NR2C2AP: variants seen among roughly 807,000 people sequenced by gnomAD.
The protein encoded by NR2C2AP is nuclear receptor 2C2-associated protein.
A neutral mutation model predicts 19.1 loss-of-function variants in NR2C2AP; 13 were observed. That is an observed-to-expected ratio of 0.68 (90% CI 0.44 to 1.08). NR2C2AP has a LOEUF of 1.08. Among genes scored for constraint, NR2C2AP ranks in the 50% least tolerant of loss-of-function variants. The pLI, the probability that NR2C2AP is intolerant of heterozygous loss-of-function variation, is 0.00. For synonymous variants in NR2C2AP, 81 were observed against 64.4 expected (o/e 1.26, Z -1.23); for missense variants, 181 against 172.7 (o/e 1.05, Z -0.27).
rs775767472 is a variant in NR2C2AP at position 19,201,609 on chromosome 19, A to AT, written c.*315dup. The AT allele has an allele frequency of 6.2e-7, 1 of 1,613,604 alleles. No individual in the cohort carries two copies. Among genetic ancestry groups the AT allele is most frequent in the African/African-American group, 1.3e-5 (1 of 75,048 alleles). ...GGCCTGTGCCTCCACCCCACTCCCG[A>AT]TTCAAGCTCACAGCCCACCTTTTCC... is the stretch of plus-strand genomic sequence containing the variant. On this transcript the variant is annotated 3_prime_UTR_variant, in exon 5 of 5. Coordinates refer to ENST00000331552, the MANE Select transcript of NR2C2AP (RefSeq NM_176880.6).
chr19:19,201,982 A>T lies in NR2C2AP; in HGVS notation c.363T>A (p.Thr121=), dbSNP rs371480701. 4 of 1,614,118 alleles carry T rather than the reference A, an allele frequency of 2.5e-6. No homozygotes were observed. Among genetic ancestry groups the T allele is most frequent in the African/African-American group, 1.3e-5 (1 of 74,938 alleles). ...DRLKVTFEDA[T]DFFGRVVIYH... ...AGATGACCACACGGCCAAAAAAGTCAGTGGCATCCTCAAACGTCACCTTCA... is the reference window on the plus strand; with the variant it reads ...AGATGACCACACGGCCAAAAAAGTCTGTGGCATCCTCAAACGTCACCTTCA... Residue 121 remains threonine (T), a synonymous_variant, in exon 5 of 5, where the codon ACT becomes ACA. Coordinates refer to ENST00000331552, the MANE Select transcript of NR2C2AP (RefSeq NM_176880.6).
intron 1 of NR2C2AP, 46 bp downstream of exon 1, chr19:19,202,977 C>T (rs746889310): frequency 6.8e-6 from 11 of 1,613,164 alleles, no homozygotes; most frequent in Non-Finnish European, 9.3e-6. Context: ...GAGGGCTCGA[C>T]CCCAGGCTTA....
At chr19:19,202,724 C>T (rs771995240) in intron 2 of NR2C2AP, 67 bp downstream of exon 2, 8 of 1,496,914 alleles carry the variant, frequency 5.3e-6, no homozygotes, top group Non-Finnish European at 7.4e-6. Context: ...GGCCCCCTGA[C>T]GTTCTCAAGG....
chr19:19,201,518 G>A lies in NR2C2AP; in HGVS notation c.*407C>T, dbSNP rs1250684114. On this transcript the variant is annotated 3_prime_UTR_variant, in exon 5 of 5. Coordinates refer to ENST00000331552, the MANE Select transcript of NR2C2AP (RefSeq NM_176880.6). ...CTGGGGTGAGTCCTCGGTTCTCCCA[G>A]CTTTGCTCTGTAATGCAGGTCTCTG... 3 of 1,601,242 alleles carry A rather than the reference G, an allele frequency of 1.9e-6. No individual in the cohort carries two copies. The highest frequency in any genetic ancestry group is 2.5e-6 in the Non-Finnish European group (3 of 1,179,648).
chr19:19,202,352 A>G lies in NR2C2AP; in HGVS notation c.282T>C (p.Pro94=). The G allele has an allele frequency of 6.2e-7, 1 of 1,614,218 alleles. No homozygotes were observed. Residue 94 remains proline (P), a synonymous_variant, in exon 4 of 5, where the codon CCT becomes CCC. Transcript: ENST00000331552. ...ATATCTGAAGCGAGTTGTTGTCCTC[A>G]GGGTAGAAATCTACAATCTTGTGGA... The part of the protein sequence containing the change: ...QALHKIVDFY[P]EDNNSLQTFP...
rs765762845 is a variant in NR2C2AP, at chr19:19,202,503, C to A, written c.202G>T (p.Gly68Cys). The A allele has an allele frequency of 1.9e-6, 3 of 1,613,936 alleles. No homozygotes were observed. Among genetic ancestry groups the A allele is most frequent in the Non-Finnish European group, 1.7e-6 (2 of 1,180,030 alleles). Residue 68 changes from glycine (G) to cysteine (C), a missense_variant, in exon 3 of 5, where the codon GGT (glycine) becomes TGT (cysteine). Physicochemically the swap from Gly to Cys is radical, Grantham distance 159. Transcript: ENST00000331552. ...CAGCCCCGGCGACTGGAGAAGCCAC[C>A]CTGAAACTGGATCTGCAGCTGGGAG... ...RVSQLQIQFQ[G>C]GFSSRRGCLE... is the part of the protein sequence containing the mutation.
intron 4 of NR2C2AP, 66 bp from the exon 5 acceptor site, chr19:19,202,107 C>T: frequency 6.5e-7 from 1 of 1,545,582 alleles, no homozygotes. Flanking sequence ...CCCACCCCTT[C>T]CAGACCCAGC....
Position 19,202,854 on chromosome 19 carries a change from A to G in NR2C2AP, c.66T>C (p.Thr22=). Reference sequence around the variant, plus strand: ...AAAGATGTTTTTTTCCAAACTGCCGAGTGTTGCGATTCAGCACTGAACTCA... The same window carrying G: ...AAAGATGTTTTTTTCCAAACTGCCGGGTGTTGCGATTCAGCACTGAACTCA... ...SRVSSVLNRN[T]RQFGKKHLFD... is the part of the protein sequence containing the mutation. The change falls in exon 2 of 5, where the codon ACT becomes ACC. Residue 22 remains threonine (T), a synonymous_variant. Transcript: ENST00000331552. 6.2e-7 allele frequency: 1 copy of G among 1,613,776 alleles called. No homozygotes were observed. The highest frequency in any genetic ancestry group is 2.2e-5 in the East Asian group (1 of 44,872).
Position 19,202,560 on chromosome 19 carries a change from C to T in NR2C2AP, c.145G>A (p.Val49Met). ...WNSDQGPSQW[V>M]TLEFPQLIRV... ...ATGAGCTGGGGAAACTCCAGCGTCA[C>T]CCACTGGGAGGGGCCCTGGAAGCAG... is the stretch of plus-strand genomic sequence containing the variant. The change falls in exon 3 of 5, where the codon GTG becomes ATG. Residue 49 changes from valine (V) to methionine (M), a missense_variant. Coordinates refer to ENST00000331552, the MANE Select transcript of NR2C2AP (RefSeq NM_176880.6). 9 of 1,613,086 alleles carry T rather than the reference C, an allele frequency of 5.6e-6. No homozygotes were observed. The highest frequency in any genetic ancestry group is 7.6e-6 in the Non-Finnish European group (9 of 1,179,896).
In NR2C2AP at chr19:19,201,737, C is replaced by G; in HGVS notation, c.*188G>C. On this transcript the variant is annotated 3_prime_UTR_variant, in exon 5 of 5. Coordinates refer to ENST00000331552, the MANE Select transcript of NR2C2AP (RefSeq NM_176880.6). ...CTGAGTGAAGGCCGCCTGCCGGGGA[C>G]TCAGACACTCAGGGAACAAAATGGT... is the stretch of plus-strand genomic sequence containing the variant. 6.2e-7 allele frequency: 1 copy of G among 1,613,786 alleles called. No homozygotes were observed. The highest frequency in any genetic ancestry group is 8.5e-7 in the Non-Finnish European group (1 of 1,179,944).
intron 2 of NR2C2AP, 37 bp downstream of exon 2, chr19:19,202,754 T>C (rs1252537535): frequency 6.4e-7 from 1 of 1,570,966 alleles, no homozygotes; most frequent in Non-Finnish European, 8.8e-7. Flanking sequence ...TGAATCTGAA[T>C]CACCCTAGAG....
chr19:19,203,290 A>C lies in NR2C2AP; in HGVS notation c.-230T>G. On this transcript the variant is annotated 5_prime_UTR_variant, in exon 1 of 5. Coordinates refer to ENST00000331552, the MANE Select transcript of NR2C2AP (RefSeq NM_176880.6). Reference sequence around the variant, plus strand: ...GGAGAGAGGATCAGGGAAACCGCCAATGCCCGGAGGCCAGGCCTTTCACAG... The same window carrying C: ...GGAGAGAGGATCAGGGAAACCGCCACTGCCCGGAGGCCAGGCCTTTCACAG... 1.7e-6 allele frequency: 1 copy of C among 596,226 alleles called. No individual in the cohort carries two copies. Among genetic ancestry groups the C allele is most frequent in the Non-Finnish European group, 3.0e-6 (1 of 332,442 alleles). 36.9% of individuals were successfully genotyped at this position (596,226 alleles called of 1,614,324 possible).
Position 19,201,874 on chromosome 19 carries a change from C to G in NR2C2AP, c.*51G>C. ...TAAACCTTCTGTGCAGAATGAGGGACTTTGCTGTGCTTCCCGGAGGGCTTC... is the reference window on the plus strand; with the variant it reads ...TAAACCTTCTGTGCAGAATGAGGGAGTTTGCTGTGCTTCCCGGAGGGCTTC... On this transcript the variant is annotated 3_prime_UTR_variant, in exon 5 of 5. Coordinates refer to ENST00000331552, the MANE Select transcript of NR2C2AP (RefSeq NM_176880.6). 1 of 1,613,248 alleles carries G rather than the reference C, an allele frequency of 6.2e-7. No homozygotes were observed. The highest frequency in any genetic ancestry group is 8.5e-7 in the Non-Finnish European group (1 of 1,179,512).
rs772655469 is a variant in NR2C2AP, at chr19:19,202,995, G to A, written c.38+28C>T. 2 of 1,613,856 alleles carry A rather than the reference G, an allele frequency of 1.2e-6. No homozygotes were observed. Among genetic ancestry groups the A allele is most frequent in the Non-Finnish European group, 1.7e-6 (2 of 1,179,780 alleles). On this transcript the variant is annotated intron_variant, in intron 1 of 4. Coordinates refer to ENST00000331552, the MANE Select transcript of NR2C2AP (RefSeq NM_176880.6). ...GGCTCGACCCCAGGCTTAGGGCCTCGCCACTGCCTGTCCCCACAGACTCTT... is the reference window on the plus strand; with the variant it reads ...GGCTCGACCCCAGGCTTAGGGCCTCACCACTGCCTGTCCCCACAGACTCTT...
intron 1 of NR2C2AP, 21 bp downstream of exon 1, chr19:19,203,002 C>T (rs371297311): frequency 4.5e-5 from 73 of 1,614,016 alleles, no homozygotes; most frequent in Middle Eastern, 1.6e-4. Flanking sequence ...CTCGCCACTG[C>T]CTGTCCCCAC....
In NR2C2AP at chr19:19,201,450, C is replaced by G. The variant is rs1320702282; in HGVS notation, c.*475G>C. On this transcript the variant is annotated 3_prime_UTR_variant, in exon 5 of 5. Transcript: ENST00000331552. ...ATATTTTTATATTAATTCTGAAAAG[C>G]TACAAAAGTGCATTTTTACAAACTT... The G allele has an allele frequency of 5.9e-6, 9 of 1,534,758 alleles. 1 individual carries two copies. The South Asian group carries it at 8.2e-5, about 14-fold the overall frequency.
Position 19,201,956 on chromosome 19 carries a change from T to C in NR2C2AP, c.389A>G (p.Tyr130Cys), listed in dbSNP as rs763024000. The C allele has an allele frequency of 6.2e-7, 1 of 1,614,140 alleles. No individual in the cohort carries two copies. Among genetic ancestry groups the C allele is most frequent in the Non-Finnish European group, 8.5e-7 (1 of 1,180,020 alleles). Residue 130 changes from tyrosine to cysteine, a missense_variant, in exon 5 of 5, where the codon TAC (tyrosine) becomes TGC (cysteine). Coordinates refer to ENST00000331552, the MANE Select transcript of NR2C2AP (RefSeq NM_176880.6). ...CTTCTCCCCAAGCACCCGCAGGTGG[T>C]AGATGACCACACGGCCAAAAAAGTC... ...ATDFFGRVVI[Y>C]HLRVLGEKV
In NR2C2AP at chr19:19,203,414, C is replaced by G. The variant is rs907299957; in HGVS notation, c.-354G>C. The G allele has an allele frequency of 2.6e-6, 1 of 387,578 alleles. No homozygotes were observed. The highest frequency in any genetic ancestry group is 3.7e-5 in the Admixed American group (1 of 27,108). 24.0% of individuals were successfully genotyped at this position (387,578 alleles called of 1,614,324 possible). ...AGCCAAATCTTGGGACCCGGAACCG[C>G]GTGGGCTTGGCGCATGCGTGTTGTA... is the stretch of plus-strand genomic sequence containing the variant. On this transcript the variant is annotated 5_prime_UTR_variant, in exon 1 of 5. Transcript: ENST00000331552.
Position 19,202,463 on chromosome 19 carries a change from C to T in NR2C2AP, c.235+7G>A. The T allele has an allele frequency of 1.2e-6, 2 of 1,613,822 alleles. No individual in the cohort carries two copies. The highest frequency in any genetic ancestry group is 1.7e-6 in the Non-Finnish European group (2 of 1,179,706). ...TGGAACCCCTGCCACCCAGGGCCTT[C>T]TAGTACCTTCCAGGCAGCCCCGGCG... is the stretch of plus-strand genomic sequence containing the variant. On this transcript the variant is annotated splice_region_variant and intron_variant, in intron 3 of 4. Coordinates refer to ENST00000331552, the MANE Select transcript of NR2C2AP (RefSeq NM_176880.6).
Sources: allele counts gnomAD v4.1 joint callset, GRCh38; gene constraint gnomAD v4.1.1; transcripts MANE v1.5; gene names NCBI Gene and HGNC (gene_info 2026-07-23, HGNC 2026-07-21).